The following FSTL5 variants were observed in gnomAD, a reference collection of about 807,000 sequenced individuals.
The protein encoded by FSTL5 is follistatin like 5.
A neutral mutation model predicts 89.1 loss-of-function variants in FSTL5; 62 were observed. The ratio of observed to expected loss-of-function variants is 0.70; its 90% CI spans 0.57 to 0.86. The LOEUF (loss-of-function observed/expected upper bound fraction) is 0.86, where lower values mean the gene tolerates loss of function less well. Among genes scored for constraint, FSTL5 ranks in the 40% least tolerant of loss-of-function variants. FSTL5 has a pLI of 0.00. For synonymous variants in FSTL5, 383 were observed against 346.2 expected (o/e 1.11, Z -1.18); for missense variants, 1,057 against 1,001.6 (o/e 1.06, Z -0.75).
At chr4:161,472,444 T>C (rs2126437045) in intron 13 of FSTL5, among the ~76,000 whole-genome samples, 1 of 152,302 alleles carries the variant, frequency 6.6e-6, no homozygotes, top group South Asian at 2.1e-4. Context: ...GGTTGTTGAT[T>C]TGAGATATTT....
At chr4:161,556,326 A>T (rs989690249) in intron 8 of FSTL5, among the ~76,000 whole-genome samples, 1 of 151,582 alleles carries the variant, frequency 6.6e-6, no homozygotes, top group African/African-American at 2.4e-5. Context: ...ATGATTCTGG[A>T]AGCTTTTGTT....
At chr4:161,948,695 G>A (rs548408742) in intron 3 of FSTL5, among the ~76,000 whole-genome samples, 19 of 151,844 alleles carry the variant, frequency 1.3e-4, no homozygotes, top group South Asian at 4.2e-4. Flanking sequence ...TGATCCGCCC[G>A]CCTTGGCCTC....
intron 6 of FSTL5, among the ~76,000 whole-genome samples, chr4:161,660,226 T>C (rs1328004966): frequency 6.6e-6 from 1 of 152,202 alleles, no homozygotes; most frequent in Non-Finnish European, 1.5e-5. Context: ...GCAAGTAAAA[T>C]ACTTTCACAC....
intron 15 of FSTL5, among the ~76,000 whole-genome samples, chr4:161,408,903 G>A (rs1407698476): frequency 2.6e-5 from 4 of 152,176 alleles, no homozygotes; most frequent in African/African-American, 9.7e-5. Context: ...AAACCTCTGA[G>A]AAATATGGGA....
intron 11 of FSTL5, among the ~76,000 whole-genome samples, chr4:161,501,446 A>G (rs904506641): frequency 3.9e-5 from 6 of 152,044 alleles, no homozygotes; most frequent in Non-Finnish European, 7.4e-5. Context: ...AGATTTAGAG[A>G]AAAATGTATA....
At chr4:161,852,566 A>G (rs550077986) in intron 4 of FSTL5, among the ~76,000 whole-genome samples, 145 of 152,304 alleles carry the variant, frequency 9.5e-4, no homozygotes, top group African/African-American at 3.2e-3. Flanking sequence ...TTCCTCAAAT[A>G]TCTAGAGACA....
intron 4 of FSTL5, among the ~76,000 whole-genome samples, chr4:161,851,965 T>A (rs1212675005): frequency 6.6e-6 from 1 of 151,946 alleles, no homozygotes; most frequent in African/African-American, 2.4e-5. Flanking sequence ...TGCATTTTGA[T>A]TTAATTAGTA....
At chr4:161,846,487 T>C (rs1206277612) in intron 4 of FSTL5, among the ~76,000 whole-genome samples, 1 of 152,164 alleles carries the variant, frequency 6.6e-6, no homozygotes, top group Non-Finnish European at 1.5e-5. Context: ...ACCTAAATGT[T>C]AGTAATGACT....
At chr4:161,757,547 A>G (rs1185587560) in intron 6 of FSTL5, among the ~76,000 whole-genome samples, 6 of 152,192 alleles carry the variant, frequency 3.9e-5, no homozygotes, top group Non-Finnish European at 8.8e-5. Context: ...TTAGAAACTC[A>G]GCCACCTATT....
chr4:161,912,280 T>C (rs1427586809), intron 4 of FSTL5, among the ~76,000 whole-genome samples: 1 of 152,162 alleles, frequency 6.6e-6, no homozygotes, highest in Non-Finnish European at 1.5e-5. Context: ...AAAATGAATA[T>C]GGTAAGTGAA....
chr4:161,878,903 A>G (rs1056491241), intron 4 of FSTL5, among the ~76,000 whole-genome samples: 7 of 152,174 alleles, frequency 4.6e-5, no homozygotes, highest in African/African-American at 1.7e-4. Flanking sequence ...TTCCCAGCTT[A>G]CATATGATGC....
At chr4:161,744,861 T>C (rs1056896203) in intron 6 of FSTL5, among the ~76,000 whole-genome samples, 1 of 152,112 alleles carries the variant, frequency 6.6e-6, no homozygotes, top group African/African-American at 2.4e-5. Context: ...AACCAAATTT[T>C]AATGCTTTCA....
In FSTL5 at chr4:161,566,135, T is replaced by TACAC. The variant is rs1553998308; in HGVS notation, c.1015+21316_1015+21319dup. ...ATATATATATATATATATATATATATACACACACACACACACACACCGTGG... is the reference window on the plus strand; with the variant it reads ...ATATATATATATATATATATATATATACACACACACACACACACACACACCGTGG... On this transcript the variant is annotated intron_variant, in intron 8 of 15. Transcript: ENST00000306100. 1.9e-3 allele frequency among the ~76,000 whole-genome samples: 105 copies of TACAC among 55,130 alleles called. 1 individual carries two copies. Among genetic ancestry groups the TACAC allele is most frequent in the African/African-American group, 4.1e-3 (55 of 13,342 alleles). 36.2% of individuals were successfully genotyped at this position (55,130 alleles called of 152,430 possible).
chr4:162,003,926 G>C (rs1399258562), intron 3 of FSTL5, among the ~76,000 whole-genome samples: 1 of 152,154 alleles, frequency 6.6e-6, no homozygotes, highest in African/African-American at 2.4e-5. Flanking sequence ...ATAATCCTGA[G>C]TAGATGAAGG....
rs1235059398 is a variant in FSTL5, at chr4:161,783,417, G to T, written c.410-7343C>A. ...ACCTATCTATAAATGATTTGCACAT[G>T]ACATGCAAGGCCTTCCGTCTTCTCA... On this transcript the variant is annotated intron_variant, in intron 4 of 15. Coordinates refer to ENST00000306100, the MANE Select transcript of FSTL5 (RefSeq NM_020116.5). Among the ~76,000 whole-genome samples, 3 of 151,748 alleles carry T rather than the reference G, an allele frequency of 2.0e-5. No individual in the cohort carries two copies. The East Asian group carries it at 5.9e-4, about 30-fold the overall frequency.
intron 6 of FSTL5, among the ~76,000 whole-genome samples, chr4:161,680,556 T>C (rs905333180): frequency 1.3e-5 from 2 of 151,966 alleles, no homozygotes; most frequent in Non-Finnish European, 2.9e-5. Context: ...CTAGCTTTCT[T>C]TGGAAGAACA....
chr4:161,649,716 G>A (rs1009594052), intron 7 of FSTL5, among the ~76,000 whole-genome samples: 10 of 152,040 alleles, frequency 6.6e-5, no homozygotes, highest in Non-Finnish European at 1.2e-4. Context: ...GTAGTATGCC[G>A]AACTAAATGA....
intron 7 of FSTL5, among the ~76,000 whole-genome samples, chr4:161,588,630 G>T (rs985487911): frequency 6.6e-6 from 1 of 152,072 alleles, no homozygotes; most frequent in Admixed American, 6.6e-5. Context: ...ATTTTTTTCA[G>T]AATTCTGGAA....
chr4:161,845,142 T>C (rs145838607), intron 4 of FSTL5, among the ~76,000 whole-genome samples: 1 of 152,314 alleles, frequency 6.6e-6, no homozygotes, highest in Non-Finnish European at 1.5e-5. Context: ...GATCTTCAAA[T>C]TGCATACCCA....
Sources: gnomAD v4.1 joint callset for allele counts (sites outside exome capture counted in the v4.1 genomes callset) on GRCh38, gnomAD v4.1.1 for gene constraint, MANE v1.5 for transcripts, NCBI Gene and HGNC (gene_info 2026-07-23, HGNC 2026-07-21) for gene names.